Variants in IPO11 observed in about 807,000 individuals in gnomAD.
IPO11 encodes importin 11.
In IPO11, 66 loss-of-function variants were observed where a neutral mutation model predicts 143.2. The ratio of observed to expected loss-of-function variants is 0.46; its 90% confidence interval spans 0.38 to 0.57. The LOEUF (loss-of-function observed/expected upper bound fraction) is 0.57, where lower values mean the gene tolerates loss of function less well. IPO11 is among the 20% of genes least tolerant of loss of function. IPO11 has a pLI of 0.00. For missense variants in IPO11, 1,026 were observed against 1,141.0 expected (o/e 0.90, Z 1.45); for synonymous variants, 385 against 377.8 (o/e 1.02, Z -0.22).
At chr5:62,436,007 G>T (rs1049305549) in intron 1 of IPO11, among the ~76,000 whole-genome samples, 1 of 152,172 alleles carries the variant, frequency 6.6e-6, no homozygotes, top group African/African-American at 2.4e-5. Flanking sequence ...GGGTGACAGA[G>T]TGAGACTCTG....
chr5:62,432,993 A>G lies in IPO11; in HGVS notation c.-6-4281A>G, dbSNP rs558818108. 2.0e-4 allele frequency among the ~76,000 whole-genome samples: 31 copies of G among 152,332 alleles called. No homozygotes were observed. The East Asian group carries it at 5.6e-3, about 27-fold the overall frequency. ...AATCTGTGGAGTGATACTTGGACAC[A>G]TTGGGAACATTCTGTTCCCCAACAA... is the stretch of plus-strand genomic sequence containing the variant. On this transcript the variant is annotated intron_variant, in intron 1 of 29. Transcript: ENST00000325324.
At chr5:62,554,733 GGAGACA>G (rs1743514590) in intron 26 of IPO11, among the ~76,000 whole-genome samples, 1 of 142,912 alleles carries the variant, frequency 7.0e-6, no homozygotes, top group African/African-American at 2.5e-5. Context: ...GTGGGGGTGG[GGAGACA>G]GAGTCTAGCT....
Position 62,551,829 on chromosome 5 carries a change from T to C in IPO11, c.2460+493T>C, listed in dbSNP as rs2028838. Among the ~76,000 whole-genome samples the C allele has an allele frequency of 7.2e-3, 1,104 of 152,276 alleles. 14 individuals are homozygous for C. Among genetic ancestry groups the C allele is most frequent in the African/African-American group, 0.025 (1,039 of 41,562 alleles). On this transcript the variant is annotated intron_variant, in intron 26 of 29. Coordinates refer to ENST00000325324, the MANE Select transcript of IPO11 (RefSeq NM_016338.5). ...TGGAATAGGTTTTTTAGTGAGGTGA[T>C]TTAAGACTATATATGGCCAGGTGCG... is the stretch of plus-strand genomic sequence containing the variant.
In IPO11 at chr5:62,471,017, G is replaced by A. The variant is rs546848397; in HGVS notation, c.708+709G>A. 2.0e-5 allele frequency among the ~76,000 whole-genome samples: 3 copies of A among 151,436 alleles called. No individual in the cohort carries two copies. The South Asian group carries it at 6.3e-4, about 32-fold the overall frequency. On this transcript the variant is annotated intron_variant, in intron 7 of 29. Coordinates refer to ENST00000325324, the MANE Select transcript of IPO11 (RefSeq NM_016338.5). Reference sequence around the variant, plus strand: ...TAATTTTTGTATTTTTAGTAGAGACGAAGTTTTACCATTTCTGCCAGGCTG... The same window carrying A: ...TAATTTTTGTATTTTTAGTAGAGACAAAGTTTTACCATTTCTGCCAGGCTG...
chr5:62,624,741 T>A (rs1332600020), intron 29 of IPO11, among the ~76,000 whole-genome samples: 1 of 151,946 alleles, frequency 6.6e-6, no homozygotes, highest in Non-Finnish European at 1.5e-5. Flanking sequence ...TCCCAGCACT[T>A]TGGGAGGCTG....
chr5:62,416,847 C>A (rs763822199), intron 1 of IPO11, among the ~76,000 whole-genome samples: 16 of 152,028 alleles, frequency 1.1e-4, no homozygotes, highest in Middle Eastern at 3.4e-3. Context: ...ACCTCAGCCT[C>A]TCTGGTGGCT....
At chr5:62,531,312 A>G (rs1742534676) in intron 22 of IPO11, among the ~76,000 whole-genome samples, 1 of 152,124 alleles carries the variant, frequency 6.6e-6, no homozygotes, top group Non-Finnish European at 1.5e-5. Flanking sequence ...AGCTAGAGCT[A>G]CAGGCACACA....
At chr5:62,549,459 T>A (rs1229023341) in intron 24 of IPO11, among the ~76,000 whole-genome samples, 1 of 152,176 alleles carries the variant, frequency 6.6e-6, no homozygotes, top group Admixed American at 6.5e-5. Flanking sequence ...CCTCCATGCA[T>A]GGGATGACTG....
At chr5:62,575,477 T>G (rs1184965555) in intron 27 of IPO11, among the ~76,000 whole-genome samples, 1 of 152,156 alleles carries the variant, frequency 6.6e-6, no homozygotes, top group East Asian at 1.9e-4. Flanking sequence ...CCTCAGTCTT[T>G]TCTTTTTCTC....
At chr5:62,478,158 T>C (rs999245390) in intron 9 of IPO11, among the ~76,000 whole-genome samples, 5 of 151,962 alleles carry the variant, frequency 3.3e-5, no homozygotes, top group African/African-American at 1.2e-4. Flanking sequence ...GGTAGGGTTG[T>C]TTTGTTTTGT....
At chr5:62,581,984 C>T (rs1273228511) in intron 27 of IPO11, among the ~76,000 whole-genome samples, 1 of 152,098 alleles carries the variant, frequency 6.6e-6, no homozygotes. Context: ...CAGAAGAAAA[C>T]CTGCTGCTTT....
intron 27 of IPO11, among the ~76,000 whole-genome samples, chr5:62,576,650 G>A (rs1277884368): frequency 6.7e-6 from 1 of 149,952 alleles, no homozygotes; most frequent in African/African-American, 2.5e-5. Flanking sequence ...AAGCATGGTG[G>A]CATGCACCTG....
chr5:62,441,725 A>G (rs1015355370), intron 2 of IPO11, among the ~76,000 whole-genome samples: 1 of 150,094 alleles, frequency 6.7e-6, no homozygotes, highest in Admixed American at 6.6e-5. Flanking sequence ...CATGTTGGCC[A>G]GGCTGGTCTC....
chr5:62,573,294 C>G (rs752944148), intron 27 of IPO11, among the ~76,000 whole-genome samples: 1 of 152,148 alleles, frequency 6.6e-6, no homozygotes, highest in Non-Finnish European at 1.5e-5. Flanking sequence ...AGAGATAATA[C>G]TTGAAGAATG....
chr5:62,432,048 C>G (rs1418905190), intron 1 of IPO11, among the ~76,000 whole-genome samples: 1 of 152,194 alleles, frequency 6.6e-6, no homozygotes, highest in Non-Finnish European at 1.5e-5. Flanking sequence ...AACCCCTTCA[C>G]TCAGCCCGAA....
intron 29 of IPO11, among the ~76,000 whole-genome samples, chr5:62,623,361 T>C (rs1481969747): frequency 6.6e-6 from 1 of 152,170 alleles, no homozygotes; most frequent in African/African-American, 2.4e-5. Flanking sequence ...GTGACAAAAA[T>C]TAAATTCAAA....
At chr5:62,612,908 G>C (rs987004615) in intron 29 of IPO11, among the ~76,000 whole-genome samples, 8 of 152,222 alleles carry the variant, frequency 5.3e-5, no homozygotes, top group African/African-American at 1.9e-4. Context: ...CTAAAAGTTT[G>C]TAAGTCTGTA....
chr5:62,463,908 C>T (rs1463429142), intron 5 of IPO11, among the ~76,000 whole-genome samples: 3 of 151,672 alleles, frequency 2.0e-5, no homozygotes, highest in Non-Finnish European at 2.9e-5. Context: ...AGTGCAACCT[C>T]CACCTCCTGG....
intron 26 of IPO11, among the ~76,000 whole-genome samples, chr5:62,553,934 T>C (rs1743480527): frequency 6.6e-6 from 1 of 152,064 alleles, no homozygotes; most frequent in African/African-American, 2.4e-5. Flanking sequence ...TTTCACCATG[T>C]TGGCCAGACT....
Sources: allele counts gnomAD v4.1 joint callset (sites outside exome capture counted in the v4.1 genomes callset), GRCh38; gene constraint gnomAD v4.1.1; transcripts MANE v1.5; gene names NCBI Gene and HGNC (gene_info 2026-07-23, HGNC 2026-07-21).